ARNT: variants seen among roughly 807,000 people sequenced by gnomAD.
The protein encoded by ARNT is class E basic helix-loop-helix protein 2.
ARNT carries 30 observed loss-of-function variants against 105.0 expected under a neutral mutation model. That is an observed-to-expected ratio of 0.29 (90% confidence interval 0.21 to 0.39). ARNT has a LOEUF of 0.39. Ranked by LOEUF, ARNT falls within the 10% of genes least tolerant of loss-of-function variation. The pLI, the probability that ARNT is intolerant of heterozygous loss-of-function variation, is 1.00. For synonymous variants in ARNT, 304 were observed against 344.0 expected, an observed-to-expected ratio of 0.88 and a Z score of 1.29; for missense variants, 748 against 978.7, an observed-to-expected ratio of 0.76 and a Z score of 3.15.
intron 14 of ARNT, among the ~76,000 whole-genome samples, chr1:150,819,084 AC>A (rs1656535818): frequency 6.6e-6 from 1 of 152,118 alleles, no homozygotes; most frequent in Admixed American, 6.6e-5. Context: ...ATTGGACAAA[AC>A]TTGTCACTAG....
intron 19 of ARNT, among the ~76,000 whole-genome samples, chr1:150,816,004 C>A (rs888009276): frequency 1.3e-5 from 2 of 152,020 alleles, no homozygotes; most frequent in Non-Finnish European, 2.9e-5. Context: ...CAAAACAAAT[C>A]TGAAAATCAG....
intron 1 of ARNT, among the ~76,000 whole-genome samples, chr1:150,872,564 T>C (rs1667621234): frequency 6.6e-6 from 1 of 152,214 alleles, no homozygotes; most frequent in Non-Finnish European, 1.5e-5. Context: ...TACAAACTCA[T>C]TCAACATCTC....
At chr1:150,846,378 TAGAA>T in intron 3 of ARNT, 71 bp from the exon 4 acceptor site, 1 of 1,456,294 alleles carries the variant, frequency 6.9e-7, no homozygotes, top group Non-Finnish European at 9.5e-7. Flanking sequence ...AAAAGTAAAC[TAGAA>T]AGGGGTGAAA....
chr1:150,855,532 A>G (rs969007539), intron 2 of ARNT, among the ~76,000 whole-genome samples: 1 of 152,172 alleles, frequency 6.6e-6, no homozygotes, highest in Admixed American at 6.6e-5. Context: ...ACCGCACTCC[A>G]GCCTGGACAA....
chr1:150,851,808 G>C (rs1663629415), intron 3 of ARNT, among the ~76,000 whole-genome samples: 2 of 152,016 alleles, frequency 1.3e-5, no homozygotes, highest in Admixed American at 1.3e-4. Context: ...ATTGTCCTAT[G>C]ACCCTGCCAA....
chr1:150,834,569 C>T lies in ARNT; in HGVS notation c.772G>A (p.Gly258Ser), dbSNP rs1659937405. The T allele has an allele frequency of 6.2e-7, 1 of 1,613,928 alleles. No individual in the cohort carries two copies. The highest frequency in any genetic ancestry group is 8.5e-7 in the Non-Finnish European group (1 of 1,179,966). ...GQQSSMRMCM[G>S]SRRSFICRMR... The stretch of plus-strand genomic sequence containing the variant: ...CGGCAAATAAACGATCTCCTTGAGC[C>T]CATACACATTCTCATGGAAGACTGC... Residue 258 changes from glycine (G) to serine (S), a missense_variant, in exon 8 of 22, where the codon GGC becomes AGC. Physicochemically the swap from Gly to Ser is moderately conservative, Grantham distance 56. This residue lies in a region of ARNT where 291 missense variants were observed against 444.6 expected (regional missense o/e 0.65). Transcript: ENST00000358595.
intron 12 of ARNT, among the ~76,000 whole-genome samples, chr1:150,827,585 C>T (rs950542027): frequency 2.0e-5 from 3 of 152,022 alleles, no homozygotes; most frequent in African/African-American, 7.3e-5. Flanking sequence ...TGTTAATGGA[C>T]GTTTAAATAG....
At chr1:150,818,314 A>C (rs1221900981) in intron 14 of ARNT, 1 of 264,730 alleles carries the variant, frequency 3.8e-6, no homozygotes, top group Non-Finnish European at 7.1e-6. Context: ...TATTCATATA[A>C]GGTATTTTTT....
intron 1 of ARNT, among the ~76,000 whole-genome samples, chr1:150,863,963 T>C (rs12406660): frequency 0.15 from 22,129 of 152,160 alleles, 2,265 homozygotes; most frequent in South Asian, 0.39. Context: ...GATTTCAACA[T>C]TGTGTGAATA....
rs1460673481 is a variant in ARNT at position 150,842,461 on chromosome 1, C to A, written c.235G>T (p.Asp79Tyr). Reference sequence around the variant, plus strand: ...TCTTTATCCGCAGAGCTCTGCTCATCATCCGACCTAAAAATAGAATTAATG... The same window carrying A: ...TCTTTATCCGCAGAGCTCTGCTCATAATCCGACCTAAAAATAGAATTAATG... Reference protein sequence around the residue: ...NDKERFARSDDEQSSADKERL... With the variant: ...NDKERFARSDYEQSSADKERL... Residue 79 changes from aspartate (D) to tyrosine (Y), a missense_variant, in exon 5 of 22, where the codon GAT (aspartate) becomes TAT (tyrosine). Physicochemically the swap from Asp to Tyr is radical, Grantham distance 160 (BLOSUM62 -3). Coordinates refer to ENST00000358595, the MANE Select transcript of ARNT (RefSeq NM_001668.4). The A allele has an allele frequency of 3.1e-6, 5 of 1,601,784 alleles. No individual in the cohort carries two copies. The highest frequency in any genetic ancestry group is 4.3e-6 in the Non-Finnish European group (5 of 1,173,322).
In ARNT at chr1:150,834,731, C is replaced by T. The variant is rs1481751556; in HGVS notation, c.701-91G>A. 1.7e-5 allele frequency: 18 copies of T among 1,086,038 alleles called. No homozygotes were observed. The South Asian group carries it at 2.0e-4, about 12-fold the overall frequency. The allele number at this position is 1,086,038 out of a possible 1,614,324, so 67.3% of individuals were successfully genotyped here. On this transcript the variant is annotated intron_variant, in intron 7 of 21. Transcript: ENST00000358595. ...CTGAAGGCAAAGATAAGTAAGCATC[C>T]TATTCATGCCCTTAATCTCCTTGCT...
In ARNT at chr1:150,816,907, G is replaced by A; in HGVS notation, c.1700-17C>T. ...TACTCTGATCTGTGGACCAAAAGGA[G>A]TTGGGGAAGGGCCAGTCAAGGGGCT... On this transcript the variant is annotated splice_polypyrimidine_tract_variant and intron_variant, in intron 17 of 21. Transcript: ENST00000358595. 1 of 1,606,690 alleles carries A rather than the reference G, an allele frequency of 6.2e-7. No homozygotes were observed. The highest frequency in any genetic ancestry group is 8.5e-7 in the Non-Finnish European group (1 of 1,178,038).
At chr1:150,852,695 A>G in intron 3 of ARNT, 67 bp downstream of exon 3, 1 of 1,449,800 alleles carries the variant, frequency 6.9e-7, no homozygotes, top group Non-Finnish European at 9.6e-7. Flanking sequence ...TTTACAAGTC[A>G]GAAGTATAAA....
chr1:150,829,885 G>A lies in ARNT; in HGVS notation c.1032+19C>T, dbSNP rs1368230391. On this transcript the variant is annotated intron_variant, in intron 11 of 21. Transcript: ENST00000358595. ...GCTCTAATTGAACGGGAATATAGAT[G>A]TGGAAAATTCATACTTGCCTGCAAT... 6.2e-7 allele frequency: 1 copy of A among 1,613,290 alleles called. No individual in the cohort carries two copies. Among genetic ancestry groups the A allele is most frequent in the Non-Finnish European group, 8.5e-7 (1 of 1,179,326 alleles).
chr1:150,860,829 C>A (rs1665506969), intron 1 of ARNT, among the ~76,000 whole-genome samples: 1 of 151,734 alleles, frequency 6.6e-6, no homozygotes, highest in South Asian at 2.1e-4. Context: ...TGCACTCCAG[C>A]CTGAGCGACA....
intron 3 of ARNT, among the ~76,000 whole-genome samples, chr1:150,852,500 C>T (rs1261050246): frequency 1.3e-5 from 2 of 152,116 alleles, no homozygotes; most frequent in Non-Finnish European, 2.9e-5. Flanking sequence ...TGAGAAATAA[C>T]GAACTGTTGT....
chr1:150,827,550 C>CA (rs1433697697), intron 12 of ARNT, among the ~76,000 whole-genome samples: 1 of 152,208 alleles, frequency 6.6e-6, no homozygotes, highest in East Asian at 1.9e-4. Context: ...ATGGATACAA[C>CA]ACAGTTGTGT....
chr1:150,869,045 T>C (rs1032364303), intron 1 of ARNT, among the ~76,000 whole-genome samples: 4 of 151,902 alleles, frequency 2.6e-5, no homozygotes, highest in African/African-American at 9.7e-5. Context: ...GAGAATCGCT[T>C]GAGCCTAGGA....
chr1:150,829,366 GAA>G, intron 11 of ARNT, 139 bp from the exon 12 acceptor site: 1 of 896,712 alleles, frequency 1.1e-6, no homozygotes. Flanking sequence ...ATCCAAAAAG[GAA>G]AAAAAAATGA....
Sources: gnomAD v4.1 joint callset for allele counts (sites outside exome capture counted in the v4.1 genomes callset) on GRCh38, gnomAD v4.1.1 for gene constraint, gnomAD v4.1.1 regional missense constraint, MANE v1.5 for transcripts, NCBI Gene and HGNC (gene_info 2026-07-23, HGNC 2026-07-21) for gene names.